Variants in ZNF451 observed in about 807,000 individuals in gnomAD.
ZNF451 encodes the protein E3 SUMO-protein ligase ZNF451.
A neutral mutation model predicts 107.1 loss-of-function variants in ZNF451; 80 were observed. That is an observed-to-expected ratio of 0.75 (90% confidence interval 0.62 to 0.90). The LOEUF (loss-of-function observed/expected upper bound fraction) is 0.90, where lower values mean the gene tolerates loss of function less well. ZNF451 is among the 40% of genes least tolerant of loss of function. The pLI, the probability that ZNF451 is intolerant of heterozygous loss-of-function variation, is 0.00. For synonymous variants in ZNF451, 362 were observed against 406.5 expected (o/e 0.89, Z 1.32); for missense variants, 1,107 against 1,236.2 (o/e 0.90, Z 1.57).
chr6:57,165,685 C>G (rs1159658564), intron 14 of ZNF451: 1 of 152,006 alleles, frequency 6.6e-6, no homozygotes, highest in Non-Finnish European at 1.5e-5. Context: ...TCCTGGTTTC[C>G]TTTAGTTCTT....
intron 2 of ZNF451, among the ~76,000 whole-genome samples, chr6:57,098,431 CAT>C (rs1297230743): frequency 3.3e-5 from 5 of 152,080 alleles, no homozygotes; most frequent in Non-Finnish European, 5.9e-5. Flanking sequence ...TCTGCATTGT[CAT>C]GTGCCTATAC....
chr6:57,102,615 A>G (rs917931982), intron 3 of ZNF451: 3 of 986,198 alleles, frequency 3.0e-6, no homozygotes, highest in Non-Finnish European at 3.6e-6. Context: ...TTATGTCAAG[A>G]TGGTCAACTC....
At chr6:57,114,572 T>C (rs1830273020) in intron 3 of ZNF451, among the ~76,000 whole-genome samples, 1 of 152,146 alleles carries the variant, frequency 6.6e-6, no homozygotes, top group Non-Finnish European at 1.5e-5. Context: ...TGTAACCCAA[T>C]CATTATACAT....
intron 7 of ZNF451, among the ~76,000 whole-genome samples, chr6:57,136,730 A>C (rs553512368): frequency 6.6e-6 from 1 of 152,250 alleles, no homozygotes; most frequent in African/African-American, 2.4e-5. Context: ...ATGAGTATAT[A>C]TGTCTGTTTT....
intron 3 of ZNF451, chr6:57,109,677 A>T: frequency 1.0e-6 from 1 of 982,142 alleles, no homozygotes; most frequent in Non-Finnish European, 1.2e-6. Context: ...TACAAGCCTA[A>T]CAGTGTACTA....
chr6:57,101,115 TGAA>T, intron 3 of ZNF451: 2 of 1,550,692 alleles, frequency 1.3e-6, no homozygotes, highest in Admixed American at 3.9e-5. Flanking sequence ...TATCCACAGT[TGAA>T]GAAGAAACTG....
chr6:57,138,741 ATGTG>A lies in ZNF451; in HGVS notation c.703-2529_703-2526del, dbSNP rs1185366526. Among the ~76,000 whole-genome samples, 176 of 46,566 alleles carry A rather than the reference ATGTG, an allele frequency of 3.8e-3. 3 individuals are homozygous for A. Among genetic ancestry groups the A allele is most frequent in the African/African-American group, 0.011 (124 of 10,856 alleles). 30.5% of individuals were successfully genotyped at this position (46,566 alleles called of 152,430 possible). A position where few individuals can be genotyped will look rare whatever the true frequency, so the allele number is the denominator to read the frequency against. ...TATATATATATATATATATATATAT[ATGTG>A]TGTGTGTGTGTGTGTGTGTGTGTGT... On this transcript the variant is annotated intron_variant, in intron 7 of 14. Coordinates refer to ENST00000370706, the MANE Select transcript of ZNF451 (RefSeq NM_001031623.3).
intron 2 of ZNF451, among the ~76,000 whole-genome samples, chr6:57,095,241 C>G (rs983309749): frequency 1.6e-4 from 24 of 151,684 alleles, no homozygotes; most frequent in African/African-American, 5.8e-4. Context: ...TCTACTCTGT[C>G]ACTTAAAGCT....
chr6:57,147,632 A>C lies in ZNF451; in HGVS notation c.1547A>C (p.His516Pro). The change falls in exon 10 of 15, where the codon CAC (histidine) becomes CCC (proline). Residue 516 changes from histidine to proline, a missense_variant. His to Pro is a moderately conservative substitution (Grantham distance 77). This residue lies in a region of ZNF451 where 608 missense variants were observed against 649.2 expected (regional missense o/e 0.94). Coordinates refer to ENST00000370706, the MANE Select transcript of ZNF451 (RefSeq NM_001031623.3). ...GATGATTCAGGGGTCATTCGTTTAC[A>C]CATGAGCCGGATTCACGGAGGGGCA... Reference protein sequence around the residue: ...VCDDSGVIRLHMSRIHGGAHL... With the variant: ...VCDDSGVIRLPMSRIHGGAHL... The C allele has an allele frequency of 6.2e-7, 1 of 1,614,162 alleles. No homozygotes were observed. The highest frequency in any genetic ancestry group is 8.5e-7 in the Non-Finnish European group (1 of 1,179,988).
chr6:57,163,120 T>C (rs1431428819), intron 14 of ZNF451, among the ~76,000 whole-genome samples: 2 of 152,132 alleles, frequency 1.3e-5, no homozygotes, highest in Non-Finnish European at 2.9e-5. Context: ...CTTCTTCTTT[T>C]CCCCTCCTCA....
intron 3 of ZNF451, chr6:57,106,335 G>GT (rs1829855778): frequency 1.1e-6 from 1 of 932,548 alleles, no homozygotes; most frequent in African/African-American, 2.0e-5. Flanking sequence ...TTTTGAGACA[G>GT]TTTCGCTCTT....
chr6:57,090,358 C>T (rs1829004434), intron 1 of ZNF451, 84 bp downstream of exon 1: 20 of 1,569,712 alleles, frequency 1.3e-5, no homozygotes, highest in Admixed American at 1.9e-5. Flanking sequence ...GCCTGGTGCT[C>T]CGTCGCAGCC....
intron 7 of ZNF451, among the ~76,000 whole-genome samples, chr6:57,138,735 A>ATGTGTGTGTGTGTG (rs1831580311): frequency 9.5e-6 from 1 of 105,000 alleles, no homozygotes; most frequent in South Asian, 2.7e-4. Context: ...ATATATATAT[A>ATGTGTGTGTGTGTG]TATATATGTG....
intron 13 of ZNF451, among the ~76,000 whole-genome samples, chr6:57,156,294 G>GAAT (rs1229470925): frequency 6.6e-6 from 1 of 151,946 alleles, no homozygotes; most frequent in East Asian, 1.9e-4. Context: ...ACTTTATAAG[G>GAAT]AATCAAAGAA....
chr6:57,152,391 G>T (rs940037683), intron 12 of ZNF451, 40 bp downstream of exon 12: 5 of 1,610,586 alleles, frequency 3.1e-6, no homozygotes, highest in Non-Finnish European at 3.4e-6. Flanking sequence ...GTGAATCTCA[G>T]ACCCACTTGC....
chr6:57,093,164 G>A (rs941036404), intron 2 of ZNF451: 5 of 152,110 alleles, frequency 3.3e-5, no homozygotes, highest in Non-Finnish European at 7.4e-5. Flanking sequence ...AAAACTAATA[G>A]CTGATGATGT....
In ZNF451 at chr6:57,147,593, G is replaced by A. The variant is rs760525627; in HGVS notation, c.1508G>A (p.Cys503Tyr). ...ANTMGYKCVV[C>Y]GKVCDDSGVI... Reference sequence around the variant, plus strand: ...ACAATGGGTTATAAATGTGTGGTCTGTGGAAAGGTATGTGATGATTCAGGG... The same window carrying A: ...ACAATGGGTTATAAATGTGTGGTCTATGGAAAGGTATGTGATGATTCAGGG... Residue 503 changes from cysteine to tyrosine, a missense_variant, in exon 10 of 15, where the codon TGT (cysteine) becomes TAT (tyrosine). Cys to Tyr is a radical substitution (Grantham distance 194, BLOSUM62 -2). Transcript: ENST00000370706. 6.2e-7 allele frequency: 1 copy of A among 1,614,150 alleles called. No homozygotes were observed. The highest frequency in any genetic ancestry group is 8.5e-7 in the Non-Finnish European group (1 of 1,180,002).
chr6:57,137,233 T>A (rs1256477119), intron 7 of ZNF451, among the ~76,000 whole-genome samples: 1 of 152,212 alleles, frequency 6.6e-6, no homozygotes, highest in Non-Finnish European at 1.5e-5. Context: ...ACTAGAAGAT[T>A]GTATAAGCCT....
intron 3 of ZNF451, chr6:57,106,215 A>G (rs1315833209): frequency 1.0e-6 from 1 of 985,264 alleles, no homozygotes; most frequent in East Asian, 1.1e-4. Context: ...ATTATTCTTG[A>G]AGATATAACT....
Sources: gnomAD v4.1 joint callset for allele counts (sites outside exome capture counted in the v4.1 genomes callset) on GRCh38, gnomAD v4.1.1 for gene constraint, gnomAD v4.1.1 regional missense constraint, MANE v1.5 for transcripts, NCBI Gene and HGNC (gene_info 2026-07-23, HGNC 2026-07-21) for gene names.